Variants in CDC42BPG observed in about 807,000 individuals in gnomAD.
CDC42BPG encodes the protein serine/threonine-protein kinase MRCK gamma.
CDC42BPG carries 157 observed loss-of-function variants against 192.2 expected under a neutral mutation model. That is an observed-to-expected ratio of 0.82 (90% CI 0.72 to 0.93). CDC42BPG has a LOEUF of 0.93. Among genes scored for constraint, CDC42BPG ranks in the 40% least tolerant of loss-of-function variants. CDC42BPG has a pLI of 0.00. For synonymous variants in CDC42BPG, 981 were observed against 918.5 expected (o/e 1.07, Z -1.23); for missense variants, 1,992 against 2,122.1 (o/e 0.94, Z 1.20).
chr11:64,838,587 G>C, intron 8 of CDC42BPG, 67 bp downstream of exon 8: 1 of 1,589,592 alleles, frequency 6.3e-7, no homozygotes, highest in Non-Finnish European at 8.6e-7. Context: ...GGACTTCAGA[G>C]GGAGGGTTCC....
In CDC42BPG at chr11:64,827,279, T is replaced by C. The variant is rs1468415625; in HGVS notation, c.4270A>G (p.Arg1424Gly). ...AGCCCCCGCGTCGTGCACGCGCACC[T>C]GCGCTGCTGCTTCTGCTGCTCCTCC... ...VSEEQQKQQR[R>G]EMLKDPFVRS... Residue 1424 changes from arginine to glycine, a missense_variant and splice_region_variant, in exon 33 of 37, where the codon AGG (arginine) becomes GGG (glycine). Transcript: ENST00000342711. 1.9e-6 allele frequency: 3 copies of C among 1,613,538 alleles called. No individual in the cohort carries two copies. Among genetic ancestry groups the C allele is most frequent in the Non-Finnish European group, 2.5e-6 (3 of 1,179,846 alleles).
In CDC42BPG at chr11:64,832,364, G is replaced by A. The variant is rs145274188; in HGVS notation, c.3087+64C>T. The A allele has an allele frequency of 5.7e-4, 861 of 1,519,304 alleles. 3 individuals are homozygous for A. In the African/African-American group the frequency reaches 0.011, roughly 19 times the overall value. The allele number at this position is 1,519,304 out of a possible 1,614,324, so 94.1% of individuals were successfully genotyped here. A position where few individuals can be genotyped will look rare whatever the true frequency, so the allele number is the denominator to read the frequency against. On this transcript the variant is annotated intron_variant, in intron 27 of 36. Transcript: ENST00000342711. ...GGGCAGTATGAAGTGGGGGGACAGT[G>A]GCCAGAGCTGGGACAGCATGGGGAG...
rs754166203 is a variant in CDC42BPG at position 64,831,482 on chromosome 11, TCCAGTCCCCTCCA to T, written c.3304+10_3304+22del. ...ACTCCCGCAGGCCTGAACTGCTTCC[TCCAGTCCCCTCCA>T]CCAGCTCACCGAGGATGGCAGCGCA... On this transcript the variant is annotated intron_variant, in intron 28 of 36. Coordinates refer to ENST00000342711, the MANE Select transcript of CDC42BPG (RefSeq NM_017525.3). The T allele has an allele frequency of 1.8e-5, 28 of 1,593,216 alleles. 1 individual carries two copies. The South Asian group carries it at 2.9e-4, about 16-fold the overall frequency.
chr11:64,829,753 G>A lies in CDC42BPG; in HGVS notation c.3685C>T (p.Gln1229Ter). Residue 1229 changes from glutamine (Q) to a stop codon, truncating the protein, a stop_gained, in exon 30 of 37, where the codon CAG becomes TAG. Coordinates refer to ENST00000342711, the MANE Select transcript of CDC42BPG (RefSeq NM_017525.3). LOFTEE classifies it high-confidence loss of function. The part of the protein sequence containing the change: ...IRELQAPATV[Q>*]SLGLLGDRLC... ...CGGTCGCCCAGCAGCCCCAGGCTCT[G>A]CACAGTGGCAGGTGCCTGCAGCTCA... The A allele has an allele frequency of 6.2e-7, 1 of 1,605,170 alleles. No homozygotes were observed. The highest frequency in any genetic ancestry group is 8.5e-7 in the Non-Finnish European group (1 of 1,176,864).
chr11:64,835,626 G>C lies in CDC42BPG; in HGVS notation c.1759-5C>G. 1.3e-6 allele frequency: 2 copies of C among 1,569,082 alleles called. No homozygotes were observed. The highest frequency in any genetic ancestry group is 1.7e-6 in the Non-Finnish European group (2 of 1,157,950). On this transcript the variant is annotated splice_region_variant and splice_polypyrimidine_tract_variant and intron_variant, in intron 14 of 36. Coordinates refer to ENST00000342711, the MANE Select transcript of CDC42BPG (RefSeq NM_017525.3). ...CTCAGAGGCTGTGTGGATGGTCTTG[G>C]GGACATGGAGGGGGTCAGGGCAGAG...
chr11:64,839,308 T>C (rs1943172439), intron 6 of CDC42BPG, 75 bp from the exon 7 acceptor site: 4 of 1,571,484 alleles, frequency 2.5e-6, no homozygotes, highest in Admixed American at 3.3e-5. Context: ...GCGATGGCCC[T>C]GTCACCCCTA....
intron 29 of CDC42BPG, 51 bp from the exon 30 acceptor site, chr11:64,830,121 C>T: frequency 6.2e-7 from 1 of 1,611,416 alleles, no homozygotes; most frequent in South Asian, 1.1e-5. Context: ...TGAAGAGTGA[C>T]CCATCCCCAT....
chr11:64,832,651 C>T lies in CDC42BPG; in HGVS notation c.2958G>A (p.Leu986=), dbSNP rs1942752136. The change falls in exon 26 of 37, where the codon CTG becomes CTA. Residue 986 remains leucine, a synonymous_variant. Transcript: ENST00000342711. ...GGGCCCCACTGGGCGGGCTGAGCCT[C>T]AGGTCAGGGGCGTCAAACAGCAGCA... ...SRLLLFDAPD[L]RLSPPSGALL... 6 of 1,613,814 alleles carry T rather than the reference C, an allele frequency of 3.7e-6. No individual in the cohort carries two copies. The East Asian group carries it at 8.9e-5, about 24-fold the overall frequency.
chr11:64,837,121 A>C, intron 9 of CDC42BPG, 102 bp from the exon 10 acceptor site: 2 of 1,028,310 alleles, frequency 1.9e-6, no homozygotes, highest in Non-Finnish European at 3.0e-6. Flanking sequence ...AAACAGCCAA[A>C]ACAGACCCTG....
Position 64,841,797 on chromosome 11 carries a change from C to T in CDC42BPG, c.252+16G>A. The T allele has an allele frequency of 6.2e-7, 1 of 1,613,834 alleles. No homozygotes were observed. Among genetic ancestry groups the T allele is most frequent in the Non-Finnish European group, 8.5e-7 (1 of 1,179,810 alleles). On this transcript the variant is annotated intron_variant, in intron 2 of 36. Coordinates refer to ENST00000342711, the MANE Select transcript of CDC42BPG (RefSeq NM_017525.3). The stretch of plus-strand genomic sequence containing the variant: ...TGTGAACACCTCCCCCCACCTACCC[C>T]AGGCCCTTTGCTCACCTCCCCAAAG...
rs745427894 is a variant in CDC42BPG at position 64,827,824 on chromosome 11, G to A, written c.3968-41C>T. On this transcript the variant is annotated intron_variant, in intron 30 of 36. Transcript: ENST00000342711. ...GCACCTCTGAGCTGTTTCCCCCTCT[G>A]TTCCACAGGGAACACCTTGTCCCCT... The A allele has an allele frequency of 3.3e-6, 5 of 1,524,776 alleles. No individual in the cohort carries two copies. In the South Asian group the frequency reaches 6.0e-5, roughly 18 times the overall value. 94.5% of individuals were successfully genotyped at this position (1,524,776 alleles called of 1,614,324 possible).
chr11:64,837,933 C>A, intron 9 of CDC42BPG, 150 bp downstream of exon 9: 1 of 691,820 alleles, frequency 1.4e-6, no homozygotes, highest in Admixed American at 2.3e-5. Context: ...TCACCAGGAC[C>A]CCGAGGATGA....
At chr11:64,831,401 T>TGGCTG (rs1178201361) in intron 28 of CDC42BPG, 104 bp downstream of exon 28, 1 of 1,079,358 alleles carries the variant, frequency 9.3e-7, no homozygotes, top group African/African-American at 1.5e-5. Flanking sequence ...CTGTGTCTCG[T>TGGCTG]GGCTGCAGGG....
chr11:64,840,849 T>C (rs927779325), intron 3 of CDC42BPG, among the ~76,000 whole-genome samples: 2 of 151,576 alleles, frequency 1.3e-5, no homozygotes, highest in African/African-American at 4.8e-5. Flanking sequence ...ATATGGAAAA[T>C]GGGAACGACT....
At chr11:64,838,989 G>A (rs756097701) in intron 7 of CDC42BPG, 44 bp downstream of exon 7, 1 of 1,612,302 alleles carries the variant, frequency 6.2e-7, no homozygotes, top group South Asian at 1.1e-5. Context: ...CAGACTCAGG[G>A]GTCCCACTGC....
In CDC42BPG at chr11:64,835,140, A is replaced by G. The variant is rs767616393; in HGVS notation, c.1967T>C (p.Leu656Pro). ...SREQERLEAE[L>P]AQEQESKQRL... ...CTGCTTGCTCTCCTGCTCCTGGGCC[A>G]GCTCTGCTTCTAGCTGGGGCCGGCC... is the stretch of plus-strand genomic sequence containing the variant. The change falls in exon 17 of 37, where the codon CTG (leucine) becomes CCG (proline). Residue 656 changes from leucine to proline, a missense_variant. Around this residue, in one of 2 missense-constraint regions of CDC42BPG, gnomAD observed 1,656 missense variants for 1,844.3 expected, o/e 0.90. Transcript: ENST00000342711. The G allele has an allele frequency of 2.5e-6, 4 of 1,600,432 alleles. No homozygotes were observed. Among genetic ancestry groups the G allele is most frequent in the Non-Finnish European group, 3.4e-6 (4 of 1,179,558 alleles).
chr11:64,835,592 C>G lies in CDC42BPG; in HGVS notation c.1788G>C (p.Gly596=). The change falls in exon 15 of 37, where the codon GGG becomes GGC. Residue 596 remains glycine (G), a synonymous_variant. Coordinates refer to ENST00000342711, the MANE Select transcript of CDC42BPG (RefSeq NM_017525.3). ...GAGGCCCACCCTCAGGGGGTCCCAT[C>G]CCGTTGGTCTCAGAGGCTGTGTGGA... ...KTIHTASETN[G]MGPPEGGPQE... is the part of the protein sequence containing the mutation. The G allele has an allele frequency of 6.3e-7, 1 of 1,577,068 alleles. No individual in the cohort carries two copies. Among genetic ancestry groups the G allele is most frequent in the Non-Finnish European group, 8.6e-7 (1 of 1,164,612 alleles).
rs1249822132 is a variant in CDC42BPG at position 64,832,974 on chromosome 11, G to A, written c.2732-15C>T. 2.0e-6 allele frequency: 3 copies of A among 1,517,922 alleles called. No homozygotes were observed. Among genetic ancestry groups the A allele is most frequent in the Non-Finnish European group, 1.8e-6 (2 of 1,130,940 alleles). The allele number at this position is 1,517,922 out of a possible 1,614,324, so 94.0% of individuals were successfully genotyped here. On this transcript the variant is annotated splice_polypyrimidine_tract_variant and intron_variant, in intron 24 of 36. Transcript: ENST00000342711. Reference sequence around the variant, plus strand: ...GTAGCCGCAGGCTGTGGGGAAAGTGGAGAAGGTGGATGAGGTGAGGCTGGG... The same window carrying A: ...GTAGCCGCAGGCTGTGGGGAAAGTGAAGAAGGTGGATGAGGTGAGGCTGGG...
rs748729007 is a variant in CDC42BPG at position 64,833,980 on chromosome 11, G to A, written c.2414-3C>T. On this transcript the variant is annotated splice_polypyrimidine_tract_variant and splice_region_variant and intron_variant, in intron 20 of 36. Coordinates refer to ENST00000342711, the MANE Select transcript of CDC42BPG (RefSeq NM_017525.3). ...CAGGGAGTTTGAGGGCTTGGTGTCT[G>A]CAAAGAAAGGGTGGGTCACTGGCCT... is the stretch of plus-strand genomic sequence containing the variant. The A allele has an allele frequency of 1.5e-5, 25 of 1,614,074 alleles. No homozygotes were observed. Among genetic ancestry groups the A allele is most frequent in the African/African-American group, 6.7e-5 (5 of 74,940 alleles).
Sources: allele counts gnomAD v4.1 joint callset (sites outside exome capture counted in the v4.1 genomes callset), GRCh38; gene constraint gnomAD v4.1.1; regional missense constraint gnomAD v4.1.1; transcripts MANE v1.5; gene names NCBI Gene and HGNC (gene_info 2026-07-23, HGNC 2026-07-21).